Variants in USP36 observed in about 807,000 individuals in gnomAD.
The protein encoded by USP36 is ubiquitin carboxyl-terminal hydrolase 36.
A neutral mutation model predicts 111.5 loss-of-function variants in USP36; 59 were observed. That is an observed-to-expected ratio of 0.53 (90% CI 0.43 to 0.66). The LOEUF is 0.66. Ranked by LOEUF, USP36 falls within the 30% of genes least tolerant of loss-of-function variation. The pLI is 0.00. For missense variants in USP36, 1,488 were observed against 1,468.0 expected (o/e 1.01, Z -0.22); for synonymous variants, 628 against 581.0 (o/e 1.08, Z -1.16).
At chr17:78,820,257 T>G (rs1404425331) in intron 8 of USP36, among the ~76,000 whole-genome samples, 3 of 152,140 alleles carry the variant, frequency 2.0e-5, no homozygotes, top group African/African-American at 7.2e-5. Context: ...GGAGGATCAT[T>G]GAGGCCAGGA....
intron 8 of USP36, 120 bp downstream of exon 8, chr17:78,820,871 G>A (rs975943257): frequency 2.9e-5 from 31 of 1,072,650 alleles, no homozygotes; most frequent in African/African-American, 1.9e-4. Flanking sequence ...AGGCGGCAGG[G>A]AGCAAAGGAG....
intron 10 of USP36, 114 bp downstream of exon 10, chr17:78,818,553 G>A (rs555017590): frequency 1.4e-5 from 12 of 880,302 alleles, no homozygotes; most frequent in Admixed American, 1.0e-4. Flanking sequence ...TTAGAACAGG[G>A]ACAGGTACTG....
At position 78,812,715 on chromosome 17, in the gene USP36, A is replaced by G. The variant is rs1380983991; in HGVS notation, c.1407+145T>C. Reference sequence around the variant, plus strand: ...CTGTCTCGAAAAAAAAAAAAAAAAAAAAAGAAAAGAAAAGAAATAACATCA... The same window carrying G: ...CTGTCTCGAAAAAAAAAAAAAAAAAGAAAGAAAAGAAAAGAAATAACATCA... On this transcript the variant is annotated intron_variant, in intron 13 of 20. Coordinates refer to ENST00000449938, the MANE Select transcript of USP36 (RefSeq NM_001385174.1). The G allele has an allele frequency of 1.9e-5, 16 of 847,566 alleles. No individual in the cohort carries two copies. The East Asian group carries it at 2.1e-4, about 11-fold the overall frequency. The allele number at this position is 847,566 out of a possible 1,614,324, so 52.5% of individuals were successfully genotyped here.
intron 4 of USP36, among the ~76,000 whole-genome samples, 155 bp from the exon 5 acceptor site, chr17:78,829,162 T>C (rs1567964618): frequency 6.6e-6 from 1 of 152,196 alleles, no homozygotes; most frequent in East Asian, 1.9e-4. Flanking sequence ...CCCAGACCTC[T>C]GCTGACTGGG....
chr17:78,799,895 TTTTTTTTTTTA>T, intron 17 of USP36, 127 bp from the exon 18 acceptor site: 1 of 651,076 alleles, frequency 1.5e-6, no homozygotes, highest in African/African-American at 2.0e-5. Flanking sequence ...TTTTTTTTTT[TTTTTTTTTTTA>T]AAGACAGGGT....
Position 78,806,199 on chromosome 17 carries a change from A to C in USP36, c.2173T>G (p.Ser725Ala). The C allele has an allele frequency of 6.2e-7, 1 of 1,613,288 alleles. No individual in the cohort carries two copies. Among genetic ancestry groups the C allele is most frequent in the Non-Finnish European group, 8.5e-7 (1 of 1,179,868 alleles). Reference sequence around the variant, plus strand: ...CAAGTGGAGGCAACGACGGGGTGAGAGGTTTTCATGGGGTGGGTGAGGTCG... The same window carrying C: ...CAAGTGGAGGCAACGACGGGGTGAGCGGTTTTCATGGGGTGGGTGAGGTCG... ...SSDLTHPMKT[S>A]HPVVASTWPV... Residue 725 changes from serine (S) to alanine (A), a missense_variant, in exon 15 of 21, where the codon TCT becomes GCT. Transcript: ENST00000449938.
chr17:78,813,370 CAGG>C (rs778203464), intron 12 of USP36, among the ~76,000 whole-genome samples: 5 of 152,294 alleles, frequency 3.3e-5, no homozygotes, highest in Admixed American at 6.5e-5. Flanking sequence ...CAGCCAGCTC[CAGG>C]AGAAGGCCCC....
At chr17:78,808,708 T>C (rs1462037267) in intron 13 of USP36, among the ~76,000 whole-genome samples, 1 of 152,188 alleles carries the variant, frequency 6.6e-6, no homozygotes, top group Non-Finnish European at 1.5e-5. Flanking sequence ...AGAGCACTTA[T>C]TACAACTGCA....
At chr17:78,809,738 C>G (rs1333060399) in intron 13 of USP36, among the ~76,000 whole-genome samples, 2 of 151,924 alleles carry the variant, frequency 1.3e-5, no homozygotes, top group African/African-American at 4.8e-5. Context: ...ATCCTCCTGC[C>G]TCAACCTCCA....
At position 78,835,415 on chromosome 17, in the gene USP36, A is replaced by G. The variant is rs1221764390; in HGVS notation, c.340T>C (p.Trp114Arg). 1.2e-6 allele frequency: 2 copies of G among 1,614,240 alleles called. No individual in the cohort carries two copies. The highest frequency in any genetic ancestry group is 1.7e-6 in the Non-Finnish European group (2 of 1,180,050). Residue 114 changes from tryptophan to arginine, a missense_variant, in exon 4 of 21, where the codon TGG becomes CGG. By Grantham distance (101) the Trp-to-Arg change is moderately radical. Around this residue, in one of 3 missense-constraint regions of USP36, gnomAD observed 219 missense variants for 209.5 expected, o/e 1.05. Coordinates refer to ENST00000449938, the MANE Select transcript of USP36 (RefSeq NM_001385174.1). ...LFPTERLSLR[W>R]ERVFRVGAGL... Reference sequence around the variant, plus strand: ...GCGCCCACGCGGAAGACCCGCTCCCACCTCAGAGACAGTCGCTCCGTGGGG... The same window carrying G: ...GCGCCCACGCGGAAGACCCGCTCCCGCCTCAGAGACAGTCGCTCCGTGGGG...
At position 78,821,841 on chromosome 17, in the gene USP36, G is replaced by A. The variant is rs552663418; in HGVS notation, c.757+96C>T. ...AGAGACTGACCCAGGTCTGCACAGC[G>A]AAGAAAGAGCCCCAGCCTGCGTTCC... On this transcript the variant is annotated intron_variant, in intron 7 of 20. Coordinates refer to ENST00000449938, the MANE Select transcript of USP36 (RefSeq NM_001385174.1). The A allele has an allele frequency of 5.8e-5, 84 of 1,439,516 alleles. 1 individual carries two copies. Among genetic ancestry groups the A allele is most frequent in the Middle Eastern group, 3.6e-4 (2 of 5,628 alleles). The allele number at this position is 1,439,516 out of a possible 1,614,324, so 89.2% of individuals were successfully genotyped here.
At chr17:78,829,463 C>G (rs977071141) in intron 4 of USP36, among the ~76,000 whole-genome samples, 1 of 152,128 alleles carries the variant, frequency 6.6e-6, no homozygotes, top group Non-Finnish European at 1.5e-5. Flanking sequence ...GATATGGGAC[C>G]GTCTGTTCCA....
rs1235241002 is a variant in USP36 at position 78,803,539 on chromosome 17, T to C, written c.2656A>G (p.Arg886Gly). The C allele has an allele frequency of 1.9e-6, 3 of 1,613,768 alleles. No homozygotes were observed. In the South Asian group the frequency reaches 3.3e-5, roughly 18 times the overall value. The change falls in exon 16 of 21, where the codon AGA (arginine) becomes GGA (glycine). Residue 886 changes from arginine to glycine, a missense_variant. By Grantham distance (125) the Arg-to-Gly change is moderately radical. Around this residue, in one of 3 missense-constraint regions of USP36, gnomAD observed 1,073 missense variants for 994.1 expected, o/e 1.08. Coordinates refer to ENST00000449938, the MANE Select transcript of USP36 (RefSeq NM_001385174.1). This position sits in a 1 kb window ranked among gnomAD's most constrained non-coding sequence, Gnocchi z 4.6. ...GGCTGTGTGCCATCTTCCTGCCGTC[T>C]GACAGCGGGCAGCTGTGCCTGGCCC... ...REGQAQLPAV[R>G]RQEDGTQPQV...
chr17:78,815,812 TATACACAC>T (rs1030701101), intron 10 of USP36, among the ~76,000 whole-genome samples: 3 of 150,500 alleles, frequency 2.0e-5, no homozygotes, highest in African/African-American at 7.5e-5. Context: ...ACATACATCG[TATACACAC>T]ATGCACACAT....
intron 10 of USP36, 71 bp from the exon 11 acceptor site, chr17:78,814,623 C>T (rs1439602065): frequency 6.5e-7 from 1 of 1,548,792 alleles, no homozygotes. Flanking sequence ...CCCTTTCCAT[C>T]CACAACCACA....
At chr17:78,817,835 C>T (rs1304327026) in intron 10 of USP36, among the ~76,000 whole-genome samples, 2 of 152,118 alleles carry the variant, frequency 1.3e-5, no homozygotes, top group Non-Finnish European at 2.9e-5. Context: ...AATCCCAGCA[C>T]TGTGAGAGGT....
intron 16 of USP36, 55 bp from the exon 17 acceptor site, chr17:78,802,590 G>A: frequency 6.6e-7 from 1 of 1,516,682 alleles, no homozygotes. Context: ...AGGGGAGCAG[G>A]AGCGCACAGA....
At chr17:78,828,834 C>T (rs2067818721) in intron 5 of USP36, 63 bp downstream of exon 5, 1 of 1,502,388 alleles carries the variant, frequency 6.7e-7, no homozygotes, top group Non-Finnish European at 9.1e-7. Context: ...GCGAGAACCC[C>T]ATCTCTACAA....
Position 78,807,239 on chromosome 17 carries a change from C to T in USP36, c.1805G>A (p.Ser602Asn), listed in dbSNP as rs755813219. The change falls in exon 14 of 21, where the codon AGC becomes AAC. Residue 602 changes from serine (S) to asparagine (N), a missense_variant. Physicochemically the swap from Ser to Asn is conservative, Grantham distance 46 (BLOSUM62 1). Around this residue, in one of 3 missense-constraint regions of USP36, gnomAD observed 1,073 missense variants for 994.1 expected, o/e 1.08. Coordinates refer to ENST00000449938, the MANE Select transcript of USP36 (RefSeq NM_001385174.1). ...GGAGCCCCTCCTGTCGAGGCCAGCGCTCTCGTCGTTCCCCTTCAGCCCATG... is the reference window on the plus strand; with the variant it reads ...GGAGCCCCTCCTGTCGAGGCCAGCGTTCTCGTCGTTCCCCTTCAGCCCATG... Reference protein sequence around the residue: ...NGHGLKGNDESAGLDRRGSSS... With the variant: ...NGHGLKGNDENAGLDRRGSSS... 36 of 1,613,990 alleles carry T rather than the reference C, an allele frequency of 2.2e-5. No individual in the cohort carries two copies. Among genetic ancestry groups the T allele is most frequent in the Non-Finnish European group, 2.9e-5 (34 of 1,180,016 alleles).
Sources: gnomAD v4.1 joint callset for allele counts (sites outside exome capture counted in the v4.1 genomes callset) on GRCh38, gnomAD v4.1.1 for gene constraint, gnomAD v4.1.1 regional missense constraint, Gnocchi (gnomAD v3.1) non-coding constraint, MANE v1.5 for transcripts, NCBI Gene and HGNC (gene_info 2026-07-23, HGNC 2026-07-21) for gene names.